Variants in LIMCH1 observed in about 807,000 individuals in gnomAD.
LIMCH1 encodes LIM and calponin homology domains 1.
In LIMCH1, 113 loss-of-function variants were observed where a neutral mutation model predicts 176.5. That is an observed-to-expected ratio of 0.64 (90% CI 0.55 to 0.75). LIMCH1 has a LOEUF of 0.75. LIMCH1 is among the 30% of genes least tolerant of loss of function. The probability of loss-of-function intolerance (pLI) is 0.00; values close to 1 mark genes in which losing one functional copy is unlikely to be tolerated. For synonymous variants in LIMCH1, 619 were observed against 645.9 expected, an observed-to-expected ratio of 0.96 and a Z score of 0.63; for missense variants, 1,674 against 1,814.9, an observed-to-expected ratio of 0.92 and a Z score of 1.41.
At chr4:41,368,395 T>G (rs571577029) in intron 1 of LIMCH1, among the ~76,000 whole-genome samples, 3 of 152,196 alleles carry the variant, frequency 2.0e-5, no homozygotes, top group African/African-American at 7.2e-5. Flanking sequence ...TCATGAAATA[T>G]ACAATGTGGC....
chr4:41,409,675 A>G (rs2059306777), intron 1 of LIMCH1, among the ~76,000 whole-genome samples: 2 of 152,294 alleles, frequency 1.3e-5, no homozygotes, highest in Middle Eastern at 3.4e-3. Context: ...AGCGGTTCCT[A>G]TAAATGAGGT....
At chr4:41,674,578 C>T (rs950925952) in intron 22 of LIMCH1, among the ~76,000 whole-genome samples, 1 of 152,186 alleles carries the variant, frequency 6.6e-6, no homozygotes, top group Non-Finnish European at 1.5e-5. Context: ...AGAATGGGGT[C>T]ACAGCCCAAT....
chr4:41,612,506 C>A, intron 4 of LIMCH1: 1 of 702,052 alleles, frequency 1.4e-6, no homozygotes, highest in East Asian at 2.7e-5. Flanking sequence ...TGAGGTTTAT[C>A]TTTGAGTGAC....
In LIMCH1 at chr4:41,613,549, CCT is replaced by C; in HGVS notation, c.99_100del (p.Pro34SerfsTer7). The C allele has an allele frequency of 1.2e-6, 2 of 1,614,130 alleles. No homozygotes were observed. The highest frequency in any genetic ancestry group is 1.7e-6 in the Non-Finnish European group (2 of 1,180,026). The stretch of plus-strand genomic sequence containing the variant: ...GCTGGGATTCCGAGCGCAGCGACTC[CCT>C]CTCTCCTCCTCGCCACGGCAGAGAT... Reference protein sequence around the residue: ...DCWDSERSDSLSPPRHGRDDS... With the variant: ...DCWDSERSDSXSPPRHGRDDS... On this transcript the variant is annotated frameshift_variant, in exon 5 of 32. Transcript: ENST00000503057. LOFTEE classifies it high-confidence loss of function.
chr4:41,633,549 G>A lies in LIMCH1; in HGVS notation c.1831G>A (p.Val611Met), dbSNP rs961109709. 4 of 1,535,898 alleles carry A rather than the reference G, an allele frequency of 2.6e-6. No individual in the cohort carries two copies. The highest frequency in any genetic ancestry group is 1.4e-5 in the African/African-American group (1 of 73,042). Residue 611 changes from valine (V) to methionine (M), a missense_variant and splice_region_variant, in exon 13 of 32, where the codon GTG becomes ATG. Val to Met is a conservative substitution (Grantham distance 21). Transcript: ENST00000503057. ...TGGCTGGACTGAATGTTGCCCTAGG[G>A]TGTGTCCTCTGGCCTCTGAGTGTGA... is the stretch of plus-strand genomic sequence containing the variant. ...ERSEDSSQPL[V>M]CPLASECEAS...
At position 41,629,744 on chromosome 4, in the gene LIMCH1, GT is replaced by G; in HGVS notation, c.1271+13del. On this transcript the variant is annotated intron_variant, in intron 9 of 31. Transcript: ENST00000503057. ...TGTCAGAAAAGGCGAGGTGTGTCATGTTTCCCCCCCAGTTTCCCCCTGGCAG... is the reference window on the plus strand; with the variant it reads ...TGTCAGAAAAGGCGAGGTGTGTCATGTTCCCCCCCAGTTTCCCCCTGGCAG... 1.3e-6 allele frequency: 2 copies of G among 1,529,094 alleles called. No homozygotes were observed. Among genetic ancestry groups the G allele is most frequent in the Non-Finnish European group, 1.8e-6 (2 of 1,141,888 alleles). The allele number at this position is 1,529,094 out of a possible 1,614,324, so 94.7% of individuals were successfully genotyped here.
intron 1 of LIMCH1, among the ~76,000 whole-genome samples, chr4:41,557,002 G>A (rs770909700): frequency 1.3e-5 from 2 of 152,120 alleles, no homozygotes; most frequent in Admixed American, 1.3e-4. Context: ...GCAGCCATTC[G>A]ACACAGAATT....
In LIMCH1 at chr4:41,679,372, C is replaced by A. The variant is rs181028609; in HGVS notation, c.3520-634C>A. ...TTCTTAGTGTGTTCTTTTTTCCCCC[C>A]AGAAATGGTGACTTCTGCTGCATTA... is the stretch of plus-strand genomic sequence containing the variant. On this transcript the variant is annotated intron_variant, in intron 23 of 31. Transcript: ENST00000503057. Among the ~76,000 whole-genome samples the A allele has an allele frequency of 3.6e-4, 55 of 152,224 alleles. 2 individuals are homozygous for A. The highest frequency in any genetic ancestry group is 3.5e-3 in the Admixed American group (54 of 15,296).
intron 2 of LIMCH1, among the ~76,000 whole-genome samples, chr4:41,521,653 A>T (rs1400426109): frequency 6.6e-6 from 1 of 152,206 alleles, no homozygotes; most frequent in African/African-American, 2.4e-5. Flanking sequence ...TGAGTATTAT[A>T]AACAGAACAC....
At position 41,676,381 on chromosome 4, in the gene LIMCH1, G is replaced by A; in HGVS notation, c.3439-1G>A. ...GATCATGGTTTCATTTTTCTAAGCA[G>A]TTTAAGTTCTGGGCATGGGACCCAG... On this transcript the variant is annotated splice_acceptor_variant, in intron 22 of 31. Transcript: ENST00000503057. LOFTEE classifies it high-confidence loss of function. 1 of 1,613,344 alleles carries A rather than the reference G, an allele frequency of 6.2e-7. No homozygotes were observed. Among genetic ancestry groups the A allele is most frequent in the Non-Finnish European group, 8.5e-7 (1 of 1,179,400 alleles).
intron 1 of LIMCH1, among the ~76,000 whole-genome samples, chr4:41,438,120 C>G (rs1444224596): frequency 1.3e-5 from 2 of 152,106 alleles, no homozygotes; most frequent in Non-Finnish European, 2.9e-5. Context: ...CAAACCACAT[C>G]CAAAGCATAT....
intron 1 of LIMCH1, among the ~76,000 whole-genome samples, chr4:41,490,001 CTACT>C (rs957184248): frequency 6.6e-6 from 1 of 152,072 alleles, no homozygotes; most frequent in Non-Finnish European, 1.5e-5. Context: ...GACAGAAAAT[CTACT>C]TACTATTCAT....
rs113276689 is a variant in LIMCH1, at chr4:41,661,358, A to T, written c.3037-62A>T. 4.8e-4 allele frequency: 602 copies of T among 1,245,270 alleles called. 3 individuals are homozygous for T. In the African/African-American group the frequency reaches 8.1e-3, roughly 17 times the overall value. 77.1% of individuals were successfully genotyped at this position (1,245,270 alleles called of 1,614,324 possible). ...TTGACCTAAAAATTACTGCTTAAAAAATAATTTTTAGAACTTTTAAAGGAA... is the reference window on the plus strand; with the variant it reads ...TTGACCTAAAAATTACTGCTTAAAATATAATTTTTAGAACTTTTAAAGGAA... On this transcript the variant is annotated intron_variant, in intron 18 of 31. Coordinates refer to ENST00000503057, the MANE Select transcript of LIMCH1 (RefSeq NM_001330672.2).
intron 1 of LIMCH1, among the ~76,000 whole-genome samples, chr4:41,455,332 G>A (rs552355700): frequency 6.6e-6 from 1 of 152,162 alleles, no homozygotes. Flanking sequence ...AGAGGGGTGA[G>A]CCAGGAGTGA....
chr4:41,600,072 T>A (rs2089645916), intron 2 of LIMCH1, among the ~76,000 whole-genome samples: 3 of 151,886 alleles, frequency 2.0e-5, no homozygotes, highest in African/African-American at 7.3e-5. Context: ...AAATTTGGGG[T>A]TTATGTTGGA....
chr4:41,407,853 A>G (rs1310371952), intron 1 of LIMCH1, among the ~76,000 whole-genome samples: 1 of 151,758 alleles, frequency 6.6e-6, no homozygotes, highest in Non-Finnish European at 1.5e-5. Flanking sequence ...TGTGATTTAA[A>G]CTCTGGGCTA....
At chr4:41,588,052 A>G (rs1388073300) in intron 1 of LIMCH1, among the ~76,000 whole-genome samples, 2 of 152,036 alleles carry the variant, frequency 1.3e-5, no homozygotes, top group Non-Finnish European at 2.9e-5. Context: ...GTCAATTAGC[A>G]TTAGGTATAT....
intron 1 of LIMCH1, among the ~76,000 whole-genome samples, chr4:41,592,563 C>A (rs2087823120): frequency 1.3e-5 from 2 of 152,144 alleles, no homozygotes; most frequent in African/African-American, 4.8e-5. Flanking sequence ...ATCATCGCAT[C>A]TTCCATGGTC....
At chr4:41,363,539 TC>T (rs1343334554) in intron 1 of LIMCH1, among the ~76,000 whole-genome samples, 1 of 152,174 alleles carries the variant, frequency 6.6e-6, no homozygotes, top group African/African-American at 2.4e-5. Flanking sequence ...TTCTTGGTCT[TC>T]CTTGAGTCAT....
Sources: allele counts gnomAD v4.1 joint callset (sites outside exome capture counted in the v4.1 genomes callset), GRCh38; gene constraint gnomAD v4.1.1; transcripts MANE v1.5; gene names NCBI Gene and HGNC (gene_info 2026-07-23, HGNC 2026-07-21).